RNFT2: variants seen among roughly 807,000 people sequenced by gnomAD.
RNFT2 encodes the protein ring finger protein, transmembrane 2, also known as E3 ubiquitin-protein ligase RNFT2.
A neutral mutation model predicts 53.0 loss-of-function variants in RNFT2; 36 were observed. The observed-to-expected ratio is 0.68, with a 90% CI of 0.52 to 0.90. The LOEUF is 0.90. RNFT2 is among the 40% of genes least tolerant of loss of function. RNFT2 has a pLI of 0.00. For synonymous variants in RNFT2, 260 were observed against 253.2 expected (o/e 1.03, Z -0.26); for missense variants, 514 against 585.6 (o/e 0.88, Z 1.26).
intron 4 of RNFT2, among the ~76,000 whole-genome samples, chr12:116,752,321 C>G (rs989111048): frequency 6.6e-6 from 1 of 152,122 alleles, no homozygotes; most frequent in Admixed American, 6.5e-5. Flanking sequence ...CCCTATCAGC[C>G]CCACCCTTTC....
intron 7 of RNFT2, among the ~76,000 whole-genome samples, chr12:116,821,045 G>T (rs1410965033): frequency 1.3e-5 from 2 of 152,132 alleles, no homozygotes; most frequent in Non-Finnish European, 2.9e-5. Flanking sequence ...TACAAGAGGA[G>T]CAATTGGTGT....
In RNFT2 at chr12:116,787,352, G is replaced by A. The variant is rs372811461; in HGVS notation, c.882+8004G>A. On this transcript the variant is annotated intron_variant, in intron 7 of 10. Transcript: ENST00000257575. ...GTGCCTTGAGCAAGTCGCTTAATGT[G>A]AGCATTTTCCTCCTGCAGAAAATCG... 2.0e-5 allele frequency among the ~76,000 whole-genome samples: 3 copies of A among 152,304 alleles called. No homozygotes were observed. The East Asian group carries it at 5.8e-4, about 29-fold the overall frequency.
chr12:116,742,179 G>A lies in RNFT2; in HGVS notation c.83+1085G>A, dbSNP rs550466314. ...GCCACAGCCTTTATTGTGTTTTCTG[G>A]GGGAAAGAAAGGCAAGGCAGGGGCA... On this transcript the variant is annotated intron_variant, in intron 3 of 10. Transcript: ENST00000257575. 3.9e-5 allele frequency among the ~76,000 whole-genome samples: 6 copies of A among 152,222 alleles called. No homozygotes were observed. The East Asian group carries it at 1.2e-3, about 29-fold the overall frequency.
At position 116,849,528 on chromosome 12, in the gene RNFT2, C is replaced by T. The variant is rs1263780101; in HGVS notation, c.*80C>T. ...AGCCCTGCGGGGGCTTCCTGAGAAA[C>T]AGGCCTCAAGCACTTACATCCTGCC... On this transcript the variant is annotated 3_prime_UTR_variant, in exon 11 of 11. Transcript: ENST00000257575. 2 of 1,476,960 alleles carry T rather than the reference C, an allele frequency of 1.4e-6. No individual in the cohort carries two copies. The highest frequency in any genetic ancestry group is 1.8e-6 in the Non-Finnish European group (2 of 1,110,194). The allele number at this position is 1,476,960 out of a possible 1,614,324, so 91.5% of individuals were successfully genotyped here.
chr12:116,815,172 C>G (rs889521324), intron 7 of RNFT2, among the ~76,000 whole-genome samples: 2 of 152,188 alleles, frequency 1.3e-5, no homozygotes, highest in Non-Finnish European at 2.9e-5. Context: ...CACTCCCAGG[C>G]CTGGGTGTGC....
At chr12:116,831,807 C>A (rs961681261) in intron 7 of RNFT2, among the ~76,000 whole-genome samples, 1 of 151,774 alleles carries the variant, frequency 6.6e-6, no homozygotes, top group Non-Finnish European at 1.5e-5. Context: ...CCCATGTATC[C>A]CCCATCCCAA....
intron 4 of RNFT2, among the ~76,000 whole-genome samples, chr12:116,750,900 A>T (rs1487275118): frequency 0.11 from 1,202 of 10,624 alleles, 71 homozygotes; most frequent in African/African-American, 0.25. Flanking sequence ...TAATATATAT[A>T]TATATATATT....
rs1555211102 is a variant in RNFT2, at chr12:116,850,621, T to TTTA, written c.*1175_*1176insATT. On this transcript the variant is annotated 3_prime_UTR_variant, in exon 11 of 11. Transcript: ENST00000257575. ...GTGAAGTATTTTTTCTTTTCTTTTCTTTTTTTTTTTTTTTTTGTTGTTGTG... is the reference window on the plus strand; with the variant it reads ...GTGAAGTATTTTTTCTTTTCTTTTCTTTATTTTTTTTTTTTTTTTGTTGTTGTG... 1.6e-5 allele frequency: 2 copies of TTTA among 127,272 alleles called. No individual in the cohort carries two copies. Among genetic ancestry groups the TTTA allele is most frequent in the African/African-American group, 6.6e-5 (2 of 30,508 alleles). 7.9% of individuals were successfully genotyped at this position (127,272 alleles called of 1,614,324 possible). A position where few individuals can be genotyped will look rare whatever the true frequency, so the allele number is the denominator to read the frequency against.
chr12:116,835,861 A>G (rs1294353200), intron 8 of RNFT2, 99 bp from the exon 9 acceptor site: 5 of 1,297,312 alleles, frequency 3.9e-6, no homozygotes, highest in Non-Finnish European at 5.5e-6. Context: ...GTTCTGAGTC[A>G]AAAATGGGTG....
intron 6 of RNFT2, among the ~76,000 whole-genome samples, chr12:116,777,854 T>C (rs1873503230): frequency 6.6e-6 from 1 of 152,216 alleles, no homozygotes. Context: ...TGGATTCAAG[T>C]TCAAGTCTGT....
At position 116,753,912 on chromosome 12, in the gene RNFT2, C is replaced by A. The variant is rs1364922523; in HGVS notation, c.551-72C>A. ...GGGACCAGGGATGTGCCTTTTCCCC[C>A]ATGTTGCTCAGCACCTGGGCTAGGC... On this transcript the variant is annotated intron_variant, in intron 4 of 10. Coordinates refer to ENST00000257575, the MANE Select transcript of RNFT2 (RefSeq NM_001382266.1). 13 of 1,166,566 alleles carry A rather than the reference C, an allele frequency of 1.1e-5. No homozygotes were observed. In the Admixed American group the frequency reaches 1.9e-4, roughly 17 times the overall value. The allele number at this position is 1,166,566 out of a possible 1,614,324, so 72.3% of individuals were successfully genotyped here.
At chr12:116,780,996 C>T (rs1232731551) in intron 7 of RNFT2, among the ~76,000 whole-genome samples, 1 of 152,170 alleles carries the variant, frequency 6.6e-6, no homozygotes, top group Non-Finnish European at 1.5e-5. Context: ...TAGCGCCTTC[C>T]TCCAAAGTAC....
chr12:116,744,522 C>T (rs1871804655), intron 3 of RNFT2, among the ~76,000 whole-genome samples: 1 of 152,158 alleles, frequency 6.6e-6, no homozygotes. Context: ...TACCTAAAGT[C>T]ACACAGCCAG....
intron 7 of RNFT2, among the ~76,000 whole-genome samples, chr12:116,825,627 G>A (rs537349314): frequency 6.6e-6 from 1 of 152,342 alleles, no homozygotes; most frequent in Non-Finnish European, 1.5e-5. Context: ...ATCATTGGTA[G>A]CTTGAAGCTG....
chr12:116,742,265 CTT>C (rs769733957), intron 3 of RNFT2, among the ~76,000 whole-genome samples: 12 of 112,228 alleles, frequency 1.1e-4, no homozygotes, highest in Non-Finnish European at 1.3e-4. Context: ...GAGGTGGTTT[CTT>C]TTTTTTTTTT....
At chr12:116,817,868 G>T (rs1875769885) in intron 7 of RNFT2, among the ~76,000 whole-genome samples, 1 of 152,164 alleles carries the variant, frequency 6.6e-6, no homozygotes, top group African/African-American at 2.4e-5. Flanking sequence ...AGGTGTTGGG[G>T]ATAAGATGAT....
intron 6 of RNFT2, among the ~76,000 whole-genome samples, chr12:116,775,453 C>T (rs1371558654): frequency 6.6e-6 from 1 of 152,128 alleles, no homozygotes; most frequent in Non-Finnish European, 1.5e-5. Flanking sequence ...GGAGTCTTAG[C>T]CTTGGAGGCG....
intron 7 of RNFT2, 42 bp downstream of exon 7, chr12:116,779,390 G>T: frequency 6.2e-7 from 1 of 1,608,640 alleles, no homozygotes; most frequent in South Asian, 1.1e-5. Context: ...CAGTCACATG[G>T]ATCATGCAGA....
chr12:116,744,249 G>A (rs80249399), intron 3 of RNFT2, among the ~76,000 whole-genome samples: 7,043 of 146,884 alleles, frequency 0.048, 201 homozygotes, highest in Non-Finnish European at 0.053. Context: ...AAAAAGAGTT[G>A]TTTATGGATG....
Sources: gnomAD v4.1 joint callset for allele counts (sites outside exome capture counted in the v4.1 genomes callset) on GRCh38, gnomAD v4.1.1 for gene constraint, MANE v1.5 for transcripts, NCBI Gene and HGNC (gene_info 2026-07-23, HGNC 2026-07-21) for gene names.